KLHL29: variants seen among roughly 807,000 people sequenced by gnomAD.
KLHL29 encodes kelch-like protein 29.
KLHL29 carries 21 observed loss-of-function variants against 80.4 expected under a neutral mutation model. The ratio of observed to expected loss-of-function variants is 0.26; its 90% CI spans 0.19 to 0.38. KLHL29 has a LOEUF of 0.38. Among genes scored for constraint, KLHL29 ranks in the 10% least tolerant of loss-of-function variants. The pLI is 1.00. For synonymous variants in KLHL29, 511 were observed against 526.8 expected, an observed-to-expected ratio of 0.97 and a Z score of 0.41; for missense variants, 867 against 1,223.9, an observed-to-expected ratio of 0.71 and a Z score of 4.35.
rs1358938479 is a variant in KLHL29, at chr2:23,669,353, A to T, written c.941-15046A>T. The T allele has an allele frequency of 2.6e-5, 4 of 152,126 alleles. No homozygotes were observed. Among genetic ancestry groups the T allele is most frequent in the Non-Finnish European group, 5.9e-5 (4 of 68,018 alleles). 9.4% of individuals were successfully genotyped at this position (152,126 alleles called of 1,614,324 possible). On this transcript the variant is annotated intron_variant, in intron 5 of 13. Coordinates refer to ENST00000486442, the MANE Select transcript of KLHL29 (RefSeq NM_052920.2). This position sits in a 1 kb window ranked among gnomAD's most constrained non-coding sequence, Gnocchi z 4.3. ...GCAGCTGATCTTACCGAATGGGTAGATGTTTTCTGAACGAGGGCGAAGGAA... is the reference window on the plus strand; with the variant it reads ...GCAGCTGATCTTACCGAATGGGTAGTTGTTTTCTGAACGAGGGCGAAGGAA...
At position 23,618,153 on chromosome 2, in the gene KLHL29, G is replaced by C. The variant is rs1669070400; in HGVS notation, c.286-20986G>C. ...GGAAGGAATTCTCCAGCCCTGCTTA[G>C]TATTATTGTTTGGGCCTTTATTTAT... is the stretch of plus-strand genomic sequence containing the variant. On this transcript the variant is annotated intron_variant, in intron 3 of 13. Coordinates refer to ENST00000486442, the MANE Select transcript of KLHL29 (RefSeq NM_052920.2). 2.0e-5 allele frequency among the ~76,000 whole-genome samples: 3 copies of C among 152,272 alleles called. No individual in the cohort carries two copies. In the South Asian group the frequency reaches 6.2e-4, roughly 32 times the overall value.
rs114023956 is a variant in KLHL29 at position 23,576,467 on chromosome 2, A to T, written c.285+13986A>T. Among the ~76,000 whole-genome samples, 1,000 of 152,308 alleles carry T rather than the reference A, an allele frequency of 6.6e-3. 9 individuals carry two copies. The highest frequency in any genetic ancestry group is 0.023 in the African/African-American group (959 of 41,560). On this transcript the variant is annotated intron_variant, in intron 3 of 13. Transcript: ENST00000486442. ...TGTCATCTGCTGAGATTAGAAGGGA[A>T]CGTTATGAATATTGTGTTATAATGA...
intron 8 of KLHL29, among the ~76,000 whole-genome samples, chr2:23,694,489 T>C (rs1441597461): frequency 2.6e-5 from 4 of 152,182 alleles, no homozygotes; most frequent in African/African-American, 4.8e-5. Context: ...AAAAGCACAC[T>C]GAACATCTCA....
At chr2:23,581,602 G>T (rs1279747798) in intron 3 of KLHL29, among the ~76,000 whole-genome samples, 3 of 152,042 alleles carry the variant, frequency 2.0e-5, no homozygotes. Flanking sequence ...GAGGTGGGCG[G>T]ATCACTTGAG....
In KLHL29 at chr2:23,435,591, C is replaced by T. The variant is rs957335343; in HGVS notation, c.-153-39969C>T. Among the ~76,000 whole-genome samples the T allele has an allele frequency of 3.9e-5, 6 of 152,126 alleles. No individual in the cohort carries two copies. The South Asian group carries it at 1.0e-3, about 26-fold the overall frequency. On this transcript the variant is annotated intron_variant, in intron 1 of 13. Coordinates refer to ENST00000486442, the MANE Select transcript of KLHL29 (RefSeq NM_052920.2). Reference sequence around the variant, plus strand: ...GTTTGGGGAATGAGCTGCGGTTGCACGTAAATCAATTTTCTGCTCCACTAA... The same window carrying T: ...GTTTGGGGAATGAGCTGCGGTTGCATGTAAATCAATTTTCTGCTCCACTAA...
intron 2 of KLHL29, among the ~76,000 whole-genome samples, chr2:23,550,423 G>T (rs1404905258): frequency 6.6e-6 from 1 of 152,206 alleles, no homozygotes; most frequent in Non-Finnish European, 1.5e-5. Context: ...GGTGCTTAAT[G>T]CTGGTGAAAG....
intron 5 of KLHL29, among the ~76,000 whole-genome samples, chr2:23,670,933 T>C (rs1392304195): frequency 9.8e-5 from 1 of 10,160 alleles, no homozygotes; most frequent in Non-Finnish European, 2.5e-4. Context: ...TCTCTCTCTC[T>C]CTCTCTCTCT....
intron 2 of KLHL29, among the ~76,000 whole-genome samples, chr2:23,516,195 A>T (rs112561171): frequency 6.6e-6 from 1 of 151,946 alleles, no homozygotes; most frequent in African/African-American, 2.4e-5. Flanking sequence ...TGAGGAGAGA[A>T]GCTAAGGCAG....
chr2:23,571,459 C>T (rs1005933296), intron 3 of KLHL29, among the ~76,000 whole-genome samples: 2 of 152,200 alleles, frequency 1.3e-5, no homozygotes, highest in African/African-American at 4.8e-5. Context: ...TCCACCACCT[C>T]GCAGGCTCAG....
At chr2:23,670,917 G>GCGCGCACACTCTCTCT in intron 5 of KLHL29, among the ~76,000 whole-genome samples, 1 of 18,568 alleles carries the variant, frequency 5.4e-5, no homozygotes, top group African/African-American at 1.6e-4. Context: ...ACATGCACGC[G>GCGCGCACACTCTCTCT]CTCTCTCTCT....
intron 3 of KLHL29, among the ~76,000 whole-genome samples, chr2:23,588,506 G>A (rs1334505208): frequency 3.9e-5 from 6 of 152,162 alleles, no homozygotes; most frequent in African/African-American, 1.4e-4. Flanking sequence ...CCACAGCAGT[G>A]GTACCTCTGG....
intron 2 of KLHL29, among the ~76,000 whole-genome samples, chr2:23,509,370 A>G (rs1665703282): frequency 6.6e-6 from 1 of 152,094 alleles, no homozygotes; most frequent in African/African-American, 2.4e-5. Flanking sequence ...TGCTGTGTGG[A>G]GAGTCTACCC....
chr2:23,690,144 C>T (rs1328400819), intron 6 of KLHL29: 1 of 152,250 alleles, frequency 6.6e-6, no homozygotes, highest in African/African-American at 2.4e-5. Flanking sequence ...TGTGCTGAGG[C>T]CCTGGGAGGG....
intron 1 of KLHL29, among the ~76,000 whole-genome samples, chr2:23,469,751 A>G (rs536633457): frequency 1.7e-4 from 26 of 152,282 alleles, no homozygotes; most frequent in Admixed American, 7.2e-4. Context: ...CTGAGCATCT[A>G]CTACGTGCCA....
At chr2:23,494,982 G>A (rs1665215034) in intron 2 of KLHL29, among the ~76,000 whole-genome samples, 1 of 152,156 alleles carries the variant, frequency 6.6e-6, no homozygotes, top group Non-Finnish European at 1.5e-5. Flanking sequence ...CCAAGCACCT[G>A]GGCCTTCAGT....
chr2:23,481,495 T>C (rs1664796344), intron 2 of KLHL29, among the ~76,000 whole-genome samples: 2 of 152,208 alleles, frequency 1.3e-5, no homozygotes, highest in Non-Finnish European at 2.9e-5. Flanking sequence ...CAGTCAGCCC[T>C]CGCTGGAAAG....
At chr2:23,662,165 T>G (rs1180303612) in intron 5 of KLHL29, among the ~76,000 whole-genome samples, 1 of 152,186 alleles carries the variant, frequency 6.6e-6, no homozygotes. Flanking sequence ...CTAGGGGGTC[T>G]TTCAGCAAAA....
At chr2:23,651,545 C>T (rs973782709) in intron 5 of KLHL29, among the ~76,000 whole-genome samples, 6 of 152,216 alleles carry the variant, frequency 3.9e-5, no homozygotes, top group African/African-American at 1.4e-4. Flanking sequence ...GGTCATGCTC[C>T]AGCCTGTCAA....
intron 5 of KLHL29, among the ~76,000 whole-genome samples, chr2:23,649,488 C>T (rs1006245152): frequency 2.0e-5 from 3 of 152,232 alleles, no homozygotes; most frequent in Non-Finnish European, 2.9e-5. Context: ...GGAAAGATGC[C>T]GCAGAGGCCG....
Sources: allele counts gnomAD v4.1 joint callset (sites outside exome capture counted in the v4.1 genomes callset), GRCh38; gene constraint gnomAD v4.1.1; non-coding constraint Gnocchi (gnomAD v3.1); transcripts MANE v1.5; gene names NCBI Gene and HGNC (gene_info 2026-07-23, HGNC 2026-07-21).